The following CSMD2 variants were observed in gnomAD, a reference collection of about 807,000 sequenced individuals.
CSMD2 encodes the protein CUB and sushi domain-containing protein 2.
Under a neutral mutation model 398.5 loss-of-function variants are expected in CSMD2, and 130 were observed. The observed-to-expected ratio is 0.33, with a 90% confidence interval of 0.28 to 0.38. CSMD2 has a LOEUF of 0.38. Among genes scored for constraint, CSMD2 ranks in the 10% least tolerant of loss-of-function variants. The pLI is 1.00. For synonymous variants in CSMD2, 1,828 were observed against 1,908.5 expected, an observed-to-expected ratio of 0.96 and a Z score of 1.10; for missense variants, 3,829 against 4,764.9, an observed-to-expected ratio of 0.80 and a Z score of 5.78.
rs1654485736 is a variant in CSMD2 at position 33,523,403 on chromosome 1, T to A, written c.10413A>T (p.Glu3471Asp). Reference protein sequence around the residue: ...ELHLAGTYKKEDFHLLLQVYQ... With the variant: ...ELHLAGTYKKDDFHLLLQVYQ... ...ACACCTGGAGTAGGAGATGAAAATCTTCTTTCTTGTAAGTTCCTGGGAAAT... is the reference window on the plus strand; with the variant it reads ...ACACCTGGAGTAGGAGATGAAAATCATCTTTCTTGTAAGTTCCTGGGAAAT... Residue 3471 changes from glutamate (E) to aspartate (D), a missense_variant, in exon 67 of 71, where the codon GAA (glutamate) becomes GAT (aspartate). This residue lies in a region of CSMD2 where 917 missense variants were observed against 1,199.5 expected (regional missense o/e 0.76). Transcript: ENST00000373381. The A allele has an allele frequency of 1.3e-6, 2 of 1,519,356 alleles. No homozygotes were observed. The highest frequency in any genetic ancestry group is 1.4e-5 in the African/African-American group (1 of 73,064). The allele number at this position is 1,519,356 out of a possible 1,614,324, so 94.1% of individuals were successfully genotyped here. A position where few individuals can be genotyped will look rare whatever the true frequency, so the allele number is the denominator to read the frequency against.
At chr1:34,045,826 G>C (rs994075141) in intron 2 of CSMD2, among the ~76,000 whole-genome samples, 1 of 152,194 alleles carries the variant, frequency 6.6e-6, no homozygotes, top group East Asian at 1.9e-4. Flanking sequence ...CTGCAGCAGG[G>C]AGCCCTCTTG....
rs539406571 is a variant in CSMD2, at chr1:33,517,219, T to G, written c.*54-649A>C. Among the ~76,000 whole-genome samples the G allele has an allele frequency of 1.4e-3, 215 of 152,310 alleles. 1 individual carries two copies. Among genetic ancestry groups the G allele is most frequent in the Admixed American group, 2.7e-3 (42 of 15,304 alleles). ...TGTCTGTTCAGGGTGGCTCTTGCTT[T>G]CTTTATGCTCCAGCTGTGGGCAGAA... On this transcript the variant is annotated intron_variant, in intron 70 of 70. Coordinates refer to ENST00000373381, the MANE Select transcript of CSMD2 (RefSeq NM_001281956.2).
At chr1:33,921,159 G>A (rs1350316021) in intron 4 of CSMD2, among the ~76,000 whole-genome samples, 1 of 152,114 alleles carries the variant, frequency 6.6e-6, no homozygotes, top group African/African-American at 2.4e-5. Context: ...TTCCTCCTTT[G>A]CTACCCTCAA....
At chr1:33,825,077 C>A (rs972471509) in intron 7 of CSMD2, among the ~76,000 whole-genome samples, 2 of 152,148 alleles carry the variant, frequency 1.3e-5, no homozygotes, top group Admixed American at 6.5e-5. Context: ...CAGAACTAGA[C>A]CCCTATTAAC....
intron 5 of CSMD2, among the ~76,000 whole-genome samples, chr1:33,882,597 A>G (rs952863425): frequency 1.3e-5 from 2 of 152,204 alleles, no homozygotes; most frequent in Non-Finnish European, 2.9e-5. Flanking sequence ...AGGATTCCCC[A>G]TTAATGCCAT....
chr1:33,661,868 G>A (rs573036003), intron 26 of CSMD2, among the ~76,000 whole-genome samples: 7 of 152,244 alleles, frequency 4.6e-5, no homozygotes, highest in African/African-American at 1.4e-4. Flanking sequence ...GAAAGAGCTC[G>A]GGGGCAAAGC....
At chr1:34,038,420 T>G (rs1181912691) in intron 2 of CSMD2, among the ~76,000 whole-genome samples, 2 of 152,346 alleles carry the variant, frequency 1.3e-5, no homozygotes, top group East Asian at 3.9e-4. Context: ...GCCAAACGTG[T>G]AAAACAATAC....
chr1:33,757,310 TA>T (rs201547347), intron 13 of CSMD2, among the ~76,000 whole-genome samples: 5 of 151,376 alleles, frequency 3.3e-5, no homozygotes, highest in East Asian at 1.9e-4. Flanking sequence ...AGTATAATAA[TA>T]AAAAAAAATC....
chr1:34,151,772 C>G (rs1039545609), intron 1 of CSMD2, among the ~76,000 whole-genome samples: 5 of 151,854 alleles, frequency 3.3e-5, no homozygotes, highest in Non-Finnish European at 7.4e-5. Flanking sequence ...TTTATTTCTT[C>G]TTTCCTCCCT....
chr1:33,711,298 T>G (rs1645979761), intron 21 of CSMD2, among the ~76,000 whole-genome samples: 1 of 152,228 alleles, frequency 6.6e-6, no homozygotes, highest in Non-Finnish European at 1.5e-5. Context: ...CTGAGATTAC[T>G]ACCTTTCCCC....
intron 3 of CSMD2, among the ~76,000 whole-genome samples, chr1:33,985,014 C>T (rs1178980723): frequency 6.6e-6 from 1 of 152,182 alleles, no homozygotes; most frequent in East Asian, 1.9e-4. Flanking sequence ...GAAAACAAGG[C>T]AGCTTTGATG....
chr1:33,867,894 C>T (rs1475767078), intron 5 of CSMD2, among the ~76,000 whole-genome samples: 2 of 152,148 alleles, frequency 1.3e-5, no homozygotes, highest in Non-Finnish European at 2.9e-5. Flanking sequence ...TCTCATGCCA[C>T]CCCTTTCTGG....
intron 5 of CSMD2, among the ~76,000 whole-genome samples, chr1:33,897,718 A>C (rs991634338): frequency 2.0e-5 from 3 of 152,172 alleles, no homozygotes; most frequent in Admixed American, 1.3e-4. Context: ...AATTCACCTG[A>C]GATGGGGAGC....
chr1:33,708,146 A>G (rs558215390), intron 22 of CSMD2, among the ~76,000 whole-genome samples: 28 of 152,342 alleles, frequency 1.8e-4, no homozygotes, highest in African/African-American at 6.5e-4. Context: ...GCAAAGAAAC[A>G]TAAGACATAT....
At chr1:33,683,906 T>C (rs566194233) in intron 25 of CSMD2, among the ~76,000 whole-genome samples, 121 of 152,348 alleles carry the variant, frequency 7.9e-4, no homozygotes, top group African/African-American at 2.8e-3. Context: ...ACGAACCTTC[T>C]CTGTTTAAGG....
At chr1:33,579,430 G>A (rs946241193) in intron 48 of CSMD2, among the ~76,000 whole-genome samples, 2 of 152,116 alleles carry the variant, frequency 1.3e-5, no homozygotes, top group African/African-American at 4.8e-5. Flanking sequence ...CCAGGGAAAG[G>A]AGAGGTTGGA....
intron 3 of CSMD2, among the ~76,000 whole-genome samples, chr1:34,025,931 G>A (rs964643542): frequency 2.6e-5 from 4 of 152,336 alleles, no homozygotes; most frequent in Admixed American, 1.3e-4. Flanking sequence ...TGGAGCCAGG[G>A]TACTGGGGTG....
chr1:34,165,388 G>C (rs1426094631), upstream of CSMD2: 4 of 1,028,560 alleles, frequency 3.9e-6, no homozygotes, highest in South Asian at 1.3e-4. Context: ...CCAAATGCTG[G>C]GGGTGGAGGC....
chr1:33,821,852 C>T (rs567616255), intron 7 of CSMD2, among the ~76,000 whole-genome samples: 1 of 152,160 alleles, frequency 6.6e-6, no homozygotes, highest in Admixed American at 6.5e-5. Context: ...CGAACATGGA[C>T]CTTCTGAGCT....
Sources: allele counts gnomAD v4.1 joint callset (sites outside exome capture counted in the v4.1 genomes callset), GRCh38; gene constraint gnomAD v4.1.1; regional missense constraint gnomAD v4.1.1; transcripts MANE v1.5; gene names NCBI Gene and HGNC (gene_info 2026-07-23, HGNC 2026-07-21).